Variants in CTNNA3 observed in about 807,000 individuals in gnomAD.
CTNNA3 encodes catenin alpha-3.
Under a neutral mutation model 95.7 loss-of-function variants are expected in CTNNA3, and 76 were observed. The observed-to-expected ratio is 0.79, with a 90% CI of 0.66 to 0.96. CTNNA3 has a LOEUF of 0.96. Among genes scored for constraint, CTNNA3 ranks in the 40% least tolerant of loss-of-function variants. The probability of loss-of-function intolerance (pLI) is 0.00; values close to 1 mark genes in which losing one functional copy is unlikely to be tolerated. For missense variants in CTNNA3, 1,191 were observed against 1,089.8 expected (o/e 1.09, Z -1.31); for synonymous variants, 431 against 374.4 (o/e 1.15, Z -1.74).
At chr10:66,745,015 A>G (rs994921874) in intron 9 of CTNNA3, among the ~76,000 whole-genome samples, 2 of 152,162 alleles carry the variant, frequency 1.3e-5, no homozygotes, top group Admixed American at 6.5e-5. Flanking sequence ...AAGAGTCACA[A>G]TTCAAGACCG....
chr10:67,204,383 T>C (rs1863794117), intron 6 of CTNNA3, among the ~76,000 whole-genome samples: 1 of 152,016 alleles, frequency 6.6e-6, no homozygotes, highest in African/African-American at 2.4e-5. Context: ...CCCCCCTCTC[T>C]CTTCCTCCTG....
intron 7 of CTNNA3, among the ~76,000 whole-genome samples, chr10:67,077,500 G>T (rs1458113803): frequency 6.6e-6 from 1 of 151,944 alleles, no homozygotes; most frequent in African/African-American, 2.4e-5. Context: ...TCTGTCCCCT[G>T]CCTGCCTCTC....
intron 3 of CTNNA3, among the ~76,000 whole-genome samples, chr10:67,600,312 CAA>C (rs1843047721): frequency 6.6e-6 from 1 of 151,596 alleles, no homozygotes; most frequent in South Asian, 2.1e-4. Flanking sequence ...GTTATGTTAA[CAA>C]AGTTTTTTTT....
chr10:66,319,925 T>A (rs543656595), intron 12 of CTNNA3, among the ~76,000 whole-genome samples: 8 of 152,218 alleles, frequency 5.3e-5, no homozygotes, highest in African/African-American at 1.4e-4. Context: ...AGTGGATGAA[T>A]TTAATACTGA....
At chr10:67,068,797 C>T (rs568785814) in intron 7 of CTNNA3, among the ~76,000 whole-genome samples, 72 of 152,288 alleles carry the variant, frequency 4.7e-4, no homozygotes, top group Non-Finnish European at 8.4e-4. Context: ...TTGTGGCTTA[C>T]GCCTGTAATC....
At chr10:66,027,987 T>C (rs2079374698) in intron 15 of CTNNA3, among the ~76,000 whole-genome samples, 1 of 152,184 alleles carries the variant, frequency 6.6e-6, no homozygotes, top group Admixed American at 6.5e-5. Context: ...ATCCTACTCA[T>C]TCTTTGTCAA....
chr10:66,149,175 T>C (rs1016448434), intron 13 of CTNNA3, among the ~76,000 whole-genome samples: 2 of 148,228 alleles, frequency 1.3e-5, no homozygotes, highest in African/African-American at 2.4e-5. Context: ...AAGCTAAATA[T>C]AGTTAACTAT....
chr10:67,194,847 A>G (rs764742095), intron 6 of CTNNA3, among the ~76,000 whole-genome samples: 5 of 151,736 alleles, frequency 3.3e-5, no homozygotes, highest in South Asian at 4.2e-4. Context: ...GTTTCTCTCA[A>G]TTTTGCTGTG....
intron 7 of CTNNA3, among the ~76,000 whole-genome samples, chr10:66,923,189 C>T (rs943265487): frequency 6.6e-6 from 1 of 152,132 alleles, no homozygotes; most frequent in African/African-American, 2.4e-5. Context: ...AGAAAAATGT[C>T]TGAAAACTAA....
At chr10:67,455,424 T>C (rs144320766) in intron 5 of CTNNA3, among the ~76,000 whole-genome samples, 1 of 152,112 alleles carries the variant, frequency 6.6e-6, no homozygotes, top group Admixed American at 6.6e-5. Context: ...AAGAGGAGCT[T>C]AAATCTCCCC....
intron 7 of CTNNA3, among the ~76,000 whole-genome samples, chr10:66,993,594 C>A (rs1851157790): frequency 6.6e-6 from 1 of 150,712 alleles, no homozygotes; most frequent in Non-Finnish European, 1.5e-5. Flanking sequence ...TGGTTCCATC[C>A]AAATTTTATA....
chr10:66,217,689 T>G (rs984099780), intron 13 of CTNNA3, among the ~76,000 whole-genome samples: 1 of 152,224 alleles, frequency 6.6e-6, no homozygotes, highest in African/African-American at 2.4e-5. Context: ...ATATTTAGTT[T>G]ATTTTTGTTT....
At chr10:66,699,778 C>T (rs1011297843) in intron 9 of CTNNA3, among the ~76,000 whole-genome samples, 4 of 151,896 alleles carry the variant, frequency 2.6e-5, no homozygotes, top group Admixed American at 2.0e-4. Context: ...CCTGCCTCAG[C>T]CCCCCGAGTA....
chr10:66,870,293 G>T (rs74887516), intron 7 of CTNNA3, among the ~76,000 whole-genome samples: 1 of 152,084 alleles, frequency 6.6e-6, no homozygotes, highest in Non-Finnish European at 1.5e-5. Flanking sequence ...TTGCAAAAAC[G>T]CAATGATGCA....
intron 6 of CTNNA3, among the ~76,000 whole-genome samples, chr10:67,203,646 C>T (rs1863748327): frequency 6.6e-6 from 1 of 152,140 alleles, no homozygotes; most frequent in Non-Finnish European, 1.5e-5. Flanking sequence ...TTACACTTTA[C>T]CTGAAATATT....
intron 5 of CTNNA3, among the ~76,000 whole-genome samples, chr10:67,401,394 C>T (rs1176943573): frequency 1.3e-5 from 2 of 152,090 alleles, no homozygotes; most frequent in Non-Finnish European, 2.9e-5. Flanking sequence ...ATAATTTGAA[C>T]AAATCTTCAG....
At chr10:65,993,667 G>C (rs1332464243) in intron 15 of CTNNA3, among the ~76,000 whole-genome samples, 1 of 152,166 alleles carries the variant, frequency 6.6e-6, no homozygotes, top group Non-Finnish European at 1.5e-5. Context: ...AGAGGCAGCA[G>C]ATAGTTGGGT....
At chr10:66,115,582 T>C (rs61858398) in intron 13 of CTNNA3, among the ~76,000 whole-genome samples, 51 of 130,110 alleles carry the variant, frequency 3.9e-4, no homozygotes, top group African/African-American at 1.4e-3. Context: ...AGATAGATGA[T>C]AGATAGATAG....
intron 5 of CTNNA3, among the ~76,000 whole-genome samples, chr10:67,266,543 T>A (rs1001734602): frequency 3.3e-5 from 5 of 152,186 alleles, no homozygotes; most frequent in African/African-American, 9.6e-5. Flanking sequence ...TGATATCATC[T>A]AATATTGAAT....
Sources: allele counts gnomAD v4.1 joint callset (sites outside exome capture counted in the v4.1 genomes callset), GRCh38; gene constraint gnomAD v4.1.1; transcripts MANE v1.5; gene names NCBI Gene and HGNC (gene_info 2026-07-23, HGNC 2026-07-21).